The following SLA2 variants were observed in gnomAD, a reference collection of about 807,000 sequenced individuals.
SLA2 encodes the protein src-like-adapter 2.
SLA2 carries 22 observed loss-of-function variants against 27.3 expected under a neutral mutation model. The ratio of observed to expected loss-of-function variants is 0.81; its 90% CI spans 0.58 to 1.15. The LOEUF is 1.15. Among genes scored for constraint, SLA2 ranks in the 50% most tolerant of loss-of-function variants. The pLI, the probability that SLA2 is intolerant of heterozygous loss-of-function variation, is 0.00. For synonymous variants in SLA2, 131 were observed against 137.8 expected (o/e 0.95, Z 0.34); for missense variants, 304 against 322.2 (o/e 0.94, Z 0.43).
At chr20:36,623,944 A>G (rs1280826624) in intron 5 of SLA2, among the ~76,000 whole-genome samples, 1 of 152,144 alleles carries the variant, frequency 6.6e-6, no homozygotes, top group African/African-American at 2.4e-5. Flanking sequence ...TAACTTTTGC[A>G]TGGTTCTTGA....
In SLA2 at chr20:36,632,625, A is replaced by G; in HGVS notation, c.352T>C (p.Phe118Leu). 1 of 1,614,188 alleles carries G rather than the reference A, an allele frequency of 6.2e-7. No homozygotes were observed. ...LLLPGNPGGA[F>L]LIRESQTRRG... The stretch of plus-strand genomic sequence containing the variant: ...CTGGTCTGGCTCTCCCGGATGAGGA[A>G]GGCCCCTCCAGGGTTCCCAGGTAAC... Residue 118 changes from phenylalanine (F) to leucine (L), a missense_variant, in exon 5 of 8, where the codon TTC becomes CTC. Physicochemically the swap from Phe to Leu is conservative, Grantham distance 22. Transcript: ENST00000262866.
chr20:36,641,007 G>A (rs114628719), intron 2 of SLA2, among the ~76,000 whole-genome samples: 1 of 152,184 alleles, frequency 6.6e-6, no homozygotes, highest in Non-Finnish European at 1.5e-5. Flanking sequence ...ATTCTGGTTA[G>A]TGCCTGTTGC....
At chr20:36,637,009 T>C (rs1248004820) in intron 2 of SLA2, among the ~76,000 whole-genome samples, 1 of 151,402 alleles carries the variant, frequency 6.6e-6, no homozygotes, top group African/African-American at 2.4e-5. Context: ...TGGTGACAGA[T>C]TAATACCTTG....
Position 36,613,406 on chromosome 20 carries a change from A to G in SLA2, c.*460T>C, listed in dbSNP as rs964710463. 3 of 155,518 alleles carry G rather than the reference A, an allele frequency of 1.9e-5. No individual in the cohort carries two copies. The highest frequency in any genetic ancestry group is 3.8e-4 in the East Asian group (2 of 5,228). The allele number at this position is 155,518 out of a possible 1,614,324, so 9.6% of individuals were successfully genotyped here. A position where few individuals can be genotyped will look rare whatever the true frequency, so the allele number is the denominator to read the frequency against. On this transcript the variant is annotated 3_prime_UTR_variant, in exon 8 of 8. Transcript: ENST00000262866. ...AGGCCACAGTCCTACCTTCTGAGGT[A>G]TGGTGGTGGTCTCAACGAGACTTGT...
chr20:36,614,990 G>A lies in SLA2; in HGVS notation c.532+235C>T, dbSNP rs1281047905. 4 of 985,166 alleles carry A rather than the reference G, an allele frequency of 4.1e-6. No individual in the cohort carries two copies. In the African/African-American group the frequency reaches 5.2e-5, roughly 13 times the overall value. The allele number at this position is 985,166 out of a possible 1,614,324, so 61.0% of individuals were successfully genotyped here. ...CTCTGAGTCAGAACCAGAGTGGTAG[G>A]CAAGGTACTGACCTGAGCCTACACA... is the stretch of plus-strand genomic sequence containing the variant. On this transcript the variant is annotated intron_variant, in intron 6 of 7. Coordinates refer to ENST00000262866, the MANE Select transcript of SLA2 (RefSeq NM_032214.4).
chr20:36,642,294 A>G (rs2039514962), intron 1 of SLA2, among the ~76,000 whole-genome samples: 1 of 131,860 alleles, frequency 7.6e-6, no homozygotes, highest in South Asian at 2.8e-4. Flanking sequence ...TCCTCATCTG[A>G]AAAATGGGGA....
At chr20:36,617,301 G>A (rs1203243340) in intron 5 of SLA2, among the ~76,000 whole-genome samples, 1 of 151,222 alleles carries the variant, frequency 6.6e-6, no homozygotes, top group Non-Finnish European at 1.5e-5. Context: ...CAGGAGACAG[G>A]TTGCAGTGAG....
chr20:36,631,306 C>T (rs1171866399), intron 5 of SLA2, among the ~76,000 whole-genome samples: 1 of 152,162 alleles, frequency 6.6e-6, no homozygotes, highest in Non-Finnish European at 1.5e-5. Context: ...GGATGCACCA[C>T]CATGCCTCAC....
intron 5 of SLA2, chr20:36,621,386 G>A: frequency 1.7e-6 from 1 of 586,642 alleles, no homozygotes. Flanking sequence ...TATGGATGTG[G>A]TGGTGTAAGT....
At position 36,614,351 on chromosome 20, in the gene SLA2, G is replaced by T. The variant is rs986357537; in HGVS notation, c.619C>A (p.Pro207Thr). ...GPLPGKDIPL[P>T]VTVQRTPLNW... ...AGTGGTGTCCTCTGCACAGTCACAG[G>T]TAGGGGTATATCCTTGCCAGGGAGC... is the stretch of plus-strand genomic sequence containing the variant. Residue 207 changes from proline to threonine, a missense_variant, in exon 7 of 8, where the codon CCT becomes ACT. Coordinates refer to ENST00000262866, the MANE Select transcript of SLA2 (RefSeq NM_032214.4). The T allele has an allele frequency of 2.5e-6, 4 of 1,614,066 alleles. No homozygotes were observed. The African/African-American group carries it at 5.3e-5, about 22-fold the overall frequency.
intron 5 of SLA2, among the ~76,000 whole-genome samples, chr20:36,631,743 C>T (rs1038809560): frequency 3.9e-5 from 6 of 152,330 alleles, no homozygotes; most frequent in African/African-American, 1.2e-4. Context: ...ACCATGGCCA[C>T]CTCACTCAGC....
At chr20:36,642,226 A>G (rs964926897) in intron 1 of SLA2, among the ~76,000 whole-genome samples, 7 of 31,356 alleles carry the variant, frequency 2.2e-4, no homozygotes, top group African/African-American at 8.8e-4. Flanking sequence ...TGCAGTGATG[A>G]CTTGCAAGGC....
chr20:36,631,526 C>A (rs990878974), intron 5 of SLA2, among the ~76,000 whole-genome samples: 1 of 152,222 alleles, frequency 6.6e-6, no homozygotes, highest in Non-Finnish European at 1.5e-5. Context: ...TGGCAGATGA[C>A]AGCCAGACTG....
At chr20:36,634,809 A>G (rs371982390) in intron 2 of SLA2, among the ~76,000 whole-genome samples, 23 of 146,212 alleles carry the variant, frequency 1.6e-4, no homozygotes, top group Non-Finnish European at 2.7e-4. Flanking sequence ...GAGAGAGAGA[A>G]AGAAAGAAAA....
rs1568598212 is a variant in SLA2, at chr20:36,612,672, C to T, written c.*1194G>A. 1 of 229,344 alleles carries T rather than the reference C, an allele frequency of 4.4e-6. No homozygotes were observed. The highest frequency in any genetic ancestry group is 1.0e-4 in the East Asian group (1 of 9,538). The allele number at this position is 229,344 out of a possible 1,614,324, so 14.2% of individuals were successfully genotyped here. Reference sequence around the variant, plus strand: ...CCCTCTTTCTTCCTCTCCCTGATCCCTTAGCGGATCCAGCAGACCTCTTTC... The same window carrying T: ...CCCTCTTTCTTCCTCTCCCTGATCCTTTAGCGGATCCAGCAGACCTCTTTC... On this transcript the variant is annotated 3_prime_UTR_variant, in exon 8 of 8. Transcript: ENST00000262866.
chr20:36,644,390 C>T (rs575781940), intron 1 of SLA2, among the ~76,000 whole-genome samples: 93 of 152,286 alleles, frequency 6.1e-4, no homozygotes, highest in African/African-American at 1.9e-3. Context: ...GCACTACAGG[C>T]GCCACGGGGC....
chr20:36,645,648 G>A (rs1277138294), intron 1 of SLA2, among the ~76,000 whole-genome samples, 189 bp downstream of exon 1: 2 of 152,190 alleles, frequency 1.3e-5, no homozygotes, highest in East Asian at 1.9e-4. Flanking sequence ...GGTGGAGCAG[G>A]TGAGTCTTGG....
chr20:36,629,105 C>A (rs2039367784), intron 5 of SLA2, among the ~76,000 whole-genome samples: 8 of 151,114 alleles, frequency 5.3e-5, no homozygotes, highest in Admixed American at 5.3e-4. Context: ...GCTTTGTCAC[C>A]CAGGCTGGAG....
intron 5 of SLA2, among the ~76,000 whole-genome samples, chr20:36,631,286 C>T (rs2039391231): frequency 6.6e-6 from 1 of 152,086 alleles, no homozygotes; most frequent in African/African-American, 2.4e-5. Context: ...CGAAGTAGCT[C>T]GGACTACAGG....
Sources: allele counts gnomAD v4.1 joint callset (sites outside exome capture counted in the v4.1 genomes callset), GRCh38; gene constraint gnomAD v4.1.1; transcripts MANE v1.5; gene names NCBI Gene and HGNC (gene_info 2026-07-23, HGNC 2026-07-21).